The following NAALADL2 variants were observed in gnomAD, a reference collection of about 807,000 sequenced individuals.
NAALADL2 encodes N-acetylated alpha-linked acidic dipeptidase like 2, also known as inactive N-acetylated-alpha-linked acidic dipeptidase-like protein 2.
Under a neutral mutation model 87.2 loss-of-function variants are expected in NAALADL2, and 76 were observed. The observed-to-expected ratio is 0.87, with a 90% CI of 0.72 to 1.05. NAALADL2 has a LOEUF of 1.05. NAALADL2 is among the 50% of genes least tolerant of loss of function. NAALADL2 has a pLI of 0.00. For synonymous variants in NAALADL2, 354 were observed against 331.0 expected (o/e 1.07, Z -0.75); for missense variants, 1,089 against 945.8 (o/e 1.15, Z -1.99).
At chr3:174,461,918 T>C (rs1716236970) in intron 1 of NAALADL2, among the ~76,000 whole-genome samples, 1 of 152,076 alleles carries the variant, frequency 6.6e-6, no homozygotes, top group Non-Finnish European at 1.5e-5. Flanking sequence ...AAGTAACTTA[T>C]CATCTATATA....
chr3:174,698,525 T>C (rs1309392210), intron 2 of NAALADL2, among the ~76,000 whole-genome samples: 1 of 152,164 alleles, frequency 6.6e-6, no homozygotes, highest in East Asian at 1.9e-4. Flanking sequence ...TCTTTGTTTT[T>C]GAGATTCTCT....
chr3:175,795,623 C>T (rs1249558851), intron 13 of NAALADL2, among the ~76,000 whole-genome samples: 5 of 151,818 alleles, frequency 3.3e-5, no homozygotes, highest in Non-Finnish European at 5.9e-5. Flanking sequence ...GCGGAGCTTG[C>T]AGTGAGCAGA....
At chr3:175,758,356 T>C (rs1031402888) in intron 13 of NAALADL2, among the ~76,000 whole-genome samples, 1 of 151,914 alleles carries the variant, frequency 6.6e-6, no homozygotes, top group African/African-American at 2.4e-5. Context: ...TGTCTGCCGT[T>C]CTTTTCCTTA....
rs371793600 is a variant in NAALADL2 at position 174,783,352 on chromosome 3, A to T, written c.-9+45606A>T. ...TTTTTTGAATTTCTGTTACAAGCGT[A>T]TCCCGATGAAGATGAGGATTACTTC... is the stretch of plus-strand genomic sequence containing the variant. On this transcript the variant is annotated intron_variant, in intron 3 of 3. Transcript: ENST00000434257. Among the ~76,000 whole-genome samples the T allele has an allele frequency of 9.5e-4, 145 of 152,234 alleles. 2 individuals are homozygous for T. The South Asian group carries it at 0.013, about 14-fold the overall frequency.
At chr3:175,168,783 C>G (rs1734355993) in intron 2 of NAALADL2, among the ~76,000 whole-genome samples, 1 of 151,848 alleles carries the variant, frequency 6.6e-6, no homozygotes, top group East Asian at 1.9e-4. Context: ...CCAACATGAA[C>G]ATACATTATG....
chr3:175,616,382 T>TA (rs958105494), intron 10 of NAALADL2, among the ~76,000 whole-genome samples: 8 of 151,622 alleles, frequency 5.3e-5, no homozygotes, highest in Non-Finnish European at 1.0e-4. Flanking sequence ...TACTCACGTT[T>TA]AAAAAATCTA....
intron 13 of NAALADL2, chr3:175,775,249 A>G (rs1006568403): frequency 2.0e-5 from 3 of 152,096 alleles, no homozygotes; most frequent in African/African-American, 7.2e-5. Flanking sequence ...CTGAGACATT[A>G]AGTAAAACAA....
intron 5 of NAALADL2, among the ~76,000 whole-genome samples, chr3:175,417,719 G>T (rs1379268947): frequency 6.6e-6 from 1 of 152,092 alleles, no homozygotes; most frequent in Non-Finnish European, 1.5e-5. Context: ...GCACTTCAGA[G>T]CTGTCTGACA....
intron 2 of NAALADL2, among the ~76,000 whole-genome samples, chr3:174,620,732 A>G (rs1720916085): frequency 6.6e-6 from 1 of 152,180 alleles, no homozygotes; most frequent in South Asian, 2.1e-4. Context: ...GAAACTGGTT[A>G]TGAAAGTGAT....
chr3:175,475,434 C>A (rs1050642123), intron 9 of NAALADL2, among the ~76,000 whole-genome samples: 4 of 152,160 alleles, frequency 2.6e-5, no homozygotes, highest in Admixed American at 6.6e-5. Flanking sequence ...TCAAAATCAT[C>A]TTTTCTAGAT....
At chr3:175,160,291 T>A (rs2108835555) in intron 2 of NAALADL2, among the ~76,000 whole-genome samples, 1 of 150,878 alleles carries the variant, frequency 6.6e-6, no homozygotes, top group South Asian at 2.1e-4. Context: ...GGGCTAAATA[T>A]AGCAATTGTT....
At chr3:175,782,536 C>A (rs1183290409) in intron 13 of NAALADL2, among the ~76,000 whole-genome samples, 2 of 139,564 alleles carry the variant, frequency 1.4e-5, no homozygotes, top group East Asian at 4.1e-4. Flanking sequence ...GTCCTTCGCC[C>A]ACTTTTTGAT....
At chr3:175,181,739 A>T (rs1268125481) in intron 2 of NAALADL2, among the ~76,000 whole-genome samples, 2 of 104,864 alleles carry the variant, frequency 1.9e-5, no homozygotes, top group Admixed American at 1.0e-4. Context: ...ATATATGTGT[A>T]TATATGTATA....
At chr3:175,174,060 T>G (rs1735297133) in intron 2 of NAALADL2, among the ~76,000 whole-genome samples, 1 of 152,158 alleles carries the variant, frequency 6.6e-6, no homozygotes, top group Non-Finnish European at 1.5e-5. Context: ...CCTTAAAAAC[T>G]TAGAACATAA....
rs568657224 is a variant in NAALADL2 at position 174,789,692 on chromosome 3, C to T, written c.-9+51946C>T. ...TGGTAAATAAGAGGAATGGAGATGACTTTAACTGTATACCATCAGCAGCTA... is the reference window on the plus strand; with the variant it reads ...TGGTAAATAAGAGGAATGGAGATGATTTTAACTGTATACCATCAGCAGCTA... On this transcript the variant is annotated intron_variant, in intron 3 of 3. Coordinates refer to the NAALADL2 transcript ENST00000434257. 2.6e-5 allele frequency among the ~76,000 whole-genome samples: 4 copies of T among 152,316 alleles called. No homozygotes were observed. The East Asian group carries it at 7.7e-4, about 29-fold the overall frequency.
chr3:175,610,382 G>T (rs551400242), intron 10 of NAALADL2, among the ~76,000 whole-genome samples: 105 of 152,092 alleles, frequency 6.9e-4, no homozygotes, highest in Non-Finnish European at 1.2e-3. Context: ...TCAATGTACA[G>T]ATAATGACCT....
At chr3:175,794,600 G>A (rs1418985599) in intron 13 of NAALADL2, among the ~76,000 whole-genome samples, 1 of 152,128 alleles carries the variant, frequency 6.6e-6, no homozygotes, top group Non-Finnish European at 1.5e-5. Flanking sequence ...TCTTACTCAG[G>A]AAATTTCTCT....
At chr3:175,277,006 T>C (rs560997948) in intron 4 of NAALADL2, among the ~76,000 whole-genome samples, 230 of 152,188 alleles carry the variant, frequency 1.5e-3, no homozygotes, top group African/African-American at 5.0e-3. Context: ...ACACTGATAA[T>C]TGAACAAAAT....
At chr3:175,704,064 G>A (rs140716571) in intron 11 of NAALADL2, among the ~76,000 whole-genome samples, 7 of 152,154 alleles carry the variant, frequency 4.6e-5, no homozygotes, top group African/African-American at 1.2e-4. Context: ...GTGGCTCTGC[G>A]AGGAAAAACT....
Sources: allele counts gnomAD v4.1 joint callset (sites outside exome capture counted in the v4.1 genomes callset), GRCh38; gene constraint gnomAD v4.1.1; transcripts MANE v1.5; gene names NCBI Gene and HGNC (gene_info 2026-07-23, HGNC 2026-07-21).